ZNF175: variants seen among roughly 807,000 people sequenced by gnomAD.
The protein encoded by ZNF175 is zinc finger protein OTK18.
In ZNF175, 8 loss-of-function variants were observed where a neutral mutation model predicts 14.0. That is an observed-to-expected ratio of 0.57 (90% CI 0.34 to 1.03). ZNF175 has a LOEUF of 1.03. Ranked by LOEUF, ZNF175 falls within the 50% of genes least tolerant of loss-of-function variation. The pLI is 0.03. For missense variants in ZNF175, 764 were observed against 849.5 expected (o/e 0.90, Z 1.25); for synonymous variants, 255 against 296.8 (o/e 0.86, Z 1.45).
At position 51,588,837 on chromosome 19, in the gene ZNF175, C is replaced by T. The variant is rs575009343; in HGVS notation, c.*370C>T. 6 of 404,412 alleles carry T rather than the reference C, an allele frequency of 1.5e-5. No individual in the cohort carries two copies. In the South Asian group the frequency reaches 7.1e-4, roughly 48 times the overall value. 25.1% of individuals were successfully genotyped at this position (404,412 alleles called of 1,614,324 possible). The stretch of plus-strand genomic sequence containing the variant: ...TGTGGGAAATTATATCAATGATAAC[C>T]CTGTTTATTGTGGGATATCAATATT... On this transcript the variant is annotated 3_prime_UTR_variant, in exon 5 of 5. Transcript: ENST00000262259.
At chr19:51,572,283 A>G (rs1600077019) in intron 1 of ZNF175, among the ~76,000 whole-genome samples, 1 of 152,112 alleles carries the variant, frequency 6.6e-6, no homozygotes, top group East Asian at 1.9e-4. Flanking sequence ...CCTGTAGTAC[A>G]CTCATTGGGG....
chr19:51,574,405 A>T (rs913588169), intron 2 of ZNF175, among the ~76,000 whole-genome samples: 4 of 152,228 alleles, frequency 2.6e-5, no homozygotes, highest in Non-Finnish European at 5.9e-5. Flanking sequence ...ATACAAGTTT[A>T]GGTGGGGCAC....
chr19:51,573,262 A>G lies in ZNF175; in HGVS notation c.-68A>G. 6.5e-7 allele frequency: 1 copy of G among 1,543,818 alleles called. No individual in the cohort carries two copies. The highest frequency in any genetic ancestry group is 2.3e-5 in the East Asian group (1 of 44,396). On this transcript the variant is annotated 5_prime_UTR_variant, in exon 2 of 5. Transcript: ENST00000262259. Reference sequence around the variant, plus strand: ...GGTTGGAAAATCCAAACACCTATCCAGCTTCTGGCTCCTGGGAAAAGTGGA... The same window carrying G: ...GGTTGGAAAATCCAAACACCTATCCGGCTTCTGGCTCCTGGGAAAAGTGGA...
chr19:51,588,456 A>G lies in ZNF175; in HGVS notation c.2125A>G (p.Thr709Ala). Residue 709 changes from threonine to alanine, a missense_variant, in exon 5 of 5, where the codon ACC becomes GCC. Coordinates refer to ENST00000262259, the MANE Select transcript of ZNF175 (RefSeq NM_007147.4). ...YKCSYSVKGF[T>A]KQ ...ATGCAGTTATTCTGTGAAAGGCTTT[A>G]CCAAGCAATGAATTCCTAGTGCATC... 2 of 1,547,610 alleles carry G rather than the reference A, an allele frequency of 1.3e-6. No individual in the cohort carries two copies. Among genetic ancestry groups the G allele is most frequent in the South Asian group, 2.5e-5 (2 of 81,068 alleles).
Position 51,588,344 on chromosome 19 carries a change from T to C in ZNF175, c.2013T>C (p.Tyr671=), listed in dbSNP as rs1982245488. The C allele has an allele frequency of 6.2e-7, 1 of 1,614,026 alleles. No homozygotes were observed. The highest frequency in any genetic ancestry group is 1.1e-5 in the South Asian group (1 of 91,064). Residue 671 remains tyrosine, a synonymous_variant, in exon 5 of 5, where the codon TAT becomes TAC. Coordinates refer to ENST00000262259, the MANE Select transcript of ZNF175 (RefSeq NM_007147.4). ...HQRIHTGERP[Y]VCSECGKAFN... ...GAATTCACACGGGAGAAAGACCTTA[T>C]GTGTGTTCTGAATGTGGAAAGGCCT...
At position 51,589,628 on chromosome 19, in the gene ZNF175, G is replaced by A. The variant is rs748302935; in HGVS notation, c.*1161G>A. 1.7e-4 allele frequency: 119 copies of A among 696,272 alleles called. 1 individual carries two copies. Among genetic ancestry groups the A allele is most frequent in the Middle Eastern group, 6.9e-4 (3 of 4,332 alleles). The allele number at this position is 696,272 out of a possible 1,614,324, so 43.1% of individuals were successfully genotyped here. A position where few individuals can be genotyped will look rare whatever the true frequency, so the allele number is the denominator to read the frequency against. On this transcript the variant is annotated 3_prime_UTR_variant, in exon 5 of 5. Transcript: ENST00000262259. ...ATAATTAGTGCCAACCATTAGTCTCGTTCATATTTTTACACCAGGAGTCAA... is the reference window on the plus strand; with the variant it reads ...ATAATTAGTGCCAACCATTAGTCTCATTCATATTTTTACACCAGGAGTCAA...
Position 51,588,582 on chromosome 19 carries a change from A to C in ZNF175, c.*115A>C. 1 of 1,216,016 alleles carries C rather than the reference A, an allele frequency of 8.2e-7. No homozygotes were observed. The highest frequency in any genetic ancestry group is 1.1e-6 in the Non-Finnish European group (1 of 904,626). 75.3% of individuals were successfully genotyped at this position (1,216,016 alleles called of 1,614,324 possible). ...TGTTATTGAATTCATGCTTCAGAAAAACTCTAGGGATGCACTGCATGTGTG... is the reference window on the plus strand; with the variant it reads ...TGTTATTGAATTCATGCTTCAGAAACACTCTAGGGATGCACTGCATGTGTG... On this transcript the variant is annotated 3_prime_UTR_variant, in exon 5 of 5. Transcript: ENST00000262259.
chr19:51,588,766 AG>A lies in ZNF175; in HGVS notation c.*300del. ...CGCATTGAGAAAAGCCTTTCTGTAA[AG>A]AATGGTACAAGACAGGTTGTTACTC... is the stretch of plus-strand genomic sequence containing the variant. On this transcript the variant is annotated 3_prime_UTR_variant, in exon 5 of 5. Transcript: ENST00000262259. 1 of 426,682 alleles carries A rather than the reference AG, an allele frequency of 2.3e-6. No individual in the cohort carries two copies. Among genetic ancestry groups the A allele is most frequent in the Non-Finnish European group, 4.1e-6 (1 of 242,722 alleles). 26.4% of individuals were successfully genotyped at this position (426,682 alleles called of 1,614,324 possible). A position where few individuals can be genotyped will look rare whatever the true frequency, so the allele number is the denominator to read the frequency against.
chr19:51,589,632 A>G lies in ZNF175; in HGVS notation c.*1165A>G. 1 of 696,282 alleles carries G rather than the reference A, an allele frequency of 1.4e-6. No individual in the cohort carries two copies. The highest frequency in any genetic ancestry group is 2.6e-6 in the Non-Finnish European group (1 of 383,086). The allele number at this position is 696,282 out of a possible 1,614,324, so 43.1% of individuals were successfully genotyped here. A position where few individuals can be genotyped will look rare whatever the true frequency, so the allele number is the denominator to read the frequency against. On this transcript the variant is annotated 3_prime_UTR_variant, in exon 5 of 5. Transcript: ENST00000262259. ...TTAGTGCCAACCATTAGTCTCGTTC[A>G]TATTTTTACACCAGGAGTCAACAAA...
rs1982227105 is a variant in ZNF175 at position 51,587,967 on chromosome 19, C to T, written c.1636C>T (p.Leu546Phe). The T allele has an allele frequency of 1.2e-6, 2 of 1,614,056 alleles. No individual in the cohort carries two copies. The highest frequency in any genetic ancestry group is 1.7e-6 in the Non-Finnish European group (2 of 1,180,026). The change falls in exon 5 of 5, where the codon CTC becomes TTC. Residue 546 changes from leucine (L) to phenylalanine (F), a missense_variant. Leu to Phe is a conservative substitution (Grantham distance 22). Coordinates refer to ENST00000262259, the MANE Select transcript of ZNF175 (RefSeq NM_007147.4). ...CGKAFNQKSI[L>F]SMHQRIHTGE... ...GAAAGCCTTCAACCAGAAGTCAATA[C>T]TCAGCATGCATCAGAGAATTCACAC...
chr19:51,573,735 A>C, intron 2 of ZNF175: 1 of 394,536 alleles, frequency 2.5e-6, no homozygotes, highest in South Asian at 1.1e-4. Flanking sequence ...GTCTTTGAAA[A>C]ATTTCAAGTG....
At chr19:51,578,183 G>C (rs1338014839) in intron 2 of ZNF175, among the ~76,000 whole-genome samples, 1 of 151,748 alleles carries the variant, frequency 6.6e-6, no homozygotes, top group African/African-American at 2.4e-5. Flanking sequence ...CTGATCACGA[G>C]GTCAGGAGTT....
rs772936588 is a variant in ZNF175, at chr19:51,581,475, C to A, written c.157C>A (p.Arg53=). The change falls in exon 3 of 5, where the codon CGG becomes AGG. Residue 53 remains arginine, a synonymous_variant. Transcript: ENST00000262259. ...QLDPAQRCLY[R]DVMLELYSHL... ...GGACCCTGCCCAGAGATGCCTGTAC[C>A]GGGATGTGATGCTGGAGCTCTATAG... 5.6e-6 allele frequency: 9 copies of A among 1,614,020 alleles called. No homozygotes were observed. The highest frequency in any genetic ancestry group is 7.6e-6 in the Non-Finnish European group (9 of 1,179,994).
chr19:51,578,436 T>C (rs980067617), intron 2 of ZNF175, among the ~76,000 whole-genome samples: 2 of 151,618 alleles, frequency 1.3e-5, no homozygotes, highest in Non-Finnish European at 2.9e-5. Context: ...TGGGAAAAGA[T>C]TCTTGTTACA....
chr19:51,587,430 G>C lies in ZNF175; in HGVS notation c.1099G>C (p.Asp367His). The change falls in exon 5 of 5, where the codon GAC becomes CAC. Residue 367 changes from aspartate (D) to histidine (H), a missense_variant. Asp to His is a moderately conservative substitution (Grantham distance 81, BLOSUM62 -1). Coordinates refer to ENST00000262259, the MANE Select transcript of ZNF175 (RefSeq NM_007147.4). ...TAGAAAGAAGCCCTATAAATGCCATGACTGTGGAAAAGCCTTTTTCCAGAT... is the reference window on the plus strand; with the variant it reads ...TAGAAAGAAGCCCTATAAATGCCATCACTGTGGAAAAGCCTTTTTCCAGAT... ...HTRKKPYKCHDCGKAFFQMLS... is the reference protein window; with the variant it reads ...HTRKKPYKCHHCGKAFFQMLS... 6.2e-7 allele frequency: 1 copy of C among 1,614,200 alleles called. No individual in the cohort carries two copies. The highest frequency in any genetic ancestry group is 8.5e-7 in the Non-Finnish European group (1 of 1,180,030).
In ZNF175 at chr19:51,589,608, T is replaced by G; in HGVS notation, c.*1141T>G. The G allele has an allele frequency of 1.4e-6, 1 of 701,798 alleles. No homozygotes were observed. Among genetic ancestry groups the G allele is most frequent in the Non-Finnish European group, 2.6e-6 (1 of 384,698 alleles). 43.5% of individuals were successfully genotyped at this position (701,798 alleles called of 1,614,324 possible). ...CATCTATAGTGAGCCTCTCCATAAT[T>G]AGTGCCAACCATTAGTCTCGTTCAT... On this transcript the variant is annotated 3_prime_UTR_variant, in exon 5 of 5. Transcript: ENST00000262259.
chr19:51,589,784 T>C lies in ZNF175; in HGVS notation c.*1317T>C, dbSNP rs1055914169. On this transcript the variant is annotated 3_prime_UTR_variant, in exon 5 of 5. Transcript: ENST00000262259. ...TTTGTGCTGCACTGGCAGAATTGAG[T>C]AGTTTTGGCGGAGATCAAATAGCCC... 8 of 573,954 alleles carry C rather than the reference T, an allele frequency of 1.4e-5. No homozygotes were observed. Among genetic ancestry groups the C allele is most frequent in the Non-Finnish European group, 1.8e-5 (6 of 324,494 alleles). 35.6% of individuals were successfully genotyped at this position (573,954 alleles called of 1,614,324 possible). A position where few individuals can be genotyped will look rare whatever the true frequency, so the allele number is the denominator to read the frequency against.
intron 2 of ZNF175, among the ~76,000 whole-genome samples, chr19:51,580,854 G>T (rs749278784): frequency 6.6e-6 from 1 of 152,054 alleles, no homozygotes; most frequent in Non-Finnish European, 1.5e-5. Context: ...TACTTCCAGC[G>T]TAAGCTTCAC....
At chr19:51,578,404 A>AC in intron 2 of ZNF175, among the ~76,000 whole-genome samples, 1 of 66,622 alleles carries the variant, frequency 1.5e-5, no homozygotes, top group Non-Finnish European at 3.1e-5. Flanking sequence ...CCATCTCAAA[A>AC]AAAAAGAAGC....
Sources: allele counts gnomAD v4.1 joint callset (sites outside exome capture counted in the v4.1 genomes callset), GRCh38; gene constraint gnomAD v4.1.1; transcripts MANE v1.5; gene names NCBI Gene and HGNC (gene_info 2026-07-23, HGNC 2026-07-21).